Variants in TTC9 observed in about 807,000 individuals in gnomAD.
TTC9 encodes tetratricopeptide repeat protein 9A.
TTC9 carries 13 observed loss-of-function variants against 22.9 expected under a neutral mutation model. The ratio of observed to expected loss-of-function variants is 0.57; its 90% CI spans 0.37 to 0.90. The LOEUF is 0.90. TTC9 is among the 40% of genes least tolerant of loss of function. TTC9 has a pLI of 0.01. For synonymous variants in TTC9, 148 were observed against 133.2 expected (o/e 1.11, Z -0.77); for missense variants, 280 against 291.8 (o/e 0.96, Z 0.29).
rs1472223981 is a variant in TTC9 at position 70,642,176 on chromosome 14, C to A, written c.47C>A (p.Pro16Gln). The A allele has an allele frequency of 2.5e-6, 3 of 1,204,736 alleles. No homozygotes were observed. Among genetic ancestry groups the A allele is most frequent in the African/African-American group, 1.6e-5 (1 of 62,040 alleles). The allele number at this position is 1,204,736 out of a possible 1,614,324, so 74.6% of individuals were successfully genotyped here. Residue 16 changes from proline to glutamine, a missense_variant, in exon 1 of 3, where the codon CCG becomes CAG. Coordinates refer to ENST00000256367, the MANE Select transcript of TTC9 (RefSeq NM_015351.2). ...SAAGAKGNPS[P>Q]PAAGEGQRPP... ...GCCGGGGCCAAGGGGAACCCGAGCC[C>A]GCCCGCGGCCGGAGAGGGGCAGCGG...
intron 2 of TTC9, among the ~76,000 whole-genome samples, chr14:70,670,150 A>G (rs920413390): frequency 6.6e-6 from 1 of 152,248 alleles, no homozygotes; most frequent in Non-Finnish European, 1.5e-5. Flanking sequence ...GAGCAATTTC[A>G]TGAGGCAGGT....
chr14:70,648,186 C>A (rs1313491387), intron 1 of TTC9, among the ~76,000 whole-genome samples: 2 of 152,202 alleles, frequency 1.3e-5, no homozygotes, highest in Non-Finnish European at 2.9e-5. Flanking sequence ...GAGAGCTTGA[C>A]TGGCTAAGCT....
chr14:70,649,856 G>C (rs1885955350), intron 1 of TTC9, among the ~76,000 whole-genome samples: 1 of 152,166 alleles, frequency 6.6e-6, no homozygotes, highest in African/African-American at 2.4e-5. Flanking sequence ...TGGCCATCCT[G>C]GGTGGTTAAG....
At chr14:70,669,280 T>C (rs895185267) in intron 2 of TTC9, among the ~76,000 whole-genome samples, 16 of 152,006 alleles carry the variant, frequency 1.1e-4, no homozygotes, top group South Asian at 4.2e-4. Context: ...TTTATATGGT[T>C]AATAATTTTT....
rs61046584 is a variant in TTC9, at chr14:70,654,587, C to CAAAAAAAAAAAA, written c.406+12076_406+12087dup. Among the ~76,000 whole-genome samples, 229 of 57,120 alleles carry CAAAAAAAAAAAA rather than the reference C, an allele frequency of 4.0e-3. 10 individuals are homozygous for CAAAAAAAAAAAA. The highest frequency in any genetic ancestry group is 8.9e-3 in the Middle Eastern group (1 of 112). The allele number at this position is 57,120 out of a possible 152,430, so 37.5% of individuals were successfully genotyped here. On this transcript the variant is annotated intron_variant, in intron 1 of 2. Coordinates refer to ENST00000256367, the MANE Select transcript of TTC9 (RefSeq NM_015351.2). The stretch of plus-strand genomic sequence containing the variant: ...CCTGGGCAACAGTAAGGCTCTGTCT[C>CAAAAAAAAAAAA]AAAAAAAAAAAAAAAAAAAAAAAAA...
rs1472859602 is a variant in TTC9, at chr14:70,642,486, G to A, written c.357G>A (p.Gln119=). 1.3e-6 allele frequency: 2 copies of A among 1,548,226 alleles called. No individual in the cohort carries two copies. The highest frequency in any genetic ancestry group is 2.5e-5 in the East Asian group (1 of 40,350). The change falls in exon 1 of 3, where the codon CAG becomes CAA. Residue 119 remains glutamine, a synonymous_variant. Transcript: ENST00000256367. The part of the protein sequence containing the change: ...ALKPGRLSEE[Q]SKTVEAIEID... ...AGCCCGGCCGCCTCTCGGAGGAGCA[G>A]AGCAAGACGGTGGAAGCCATCGAGA...
chr14:70,641,993 C>T lies in TTC9; in HGVS notation c.-137C>T. The T allele has an allele frequency of 2.0e-6, 1 of 488,774 alleles. No individual in the cohort carries two copies. Among genetic ancestry groups the T allele is most frequent in the Non-Finnish European group, 2.7e-6 (1 of 372,956 alleles). The allele number at this position is 488,774 out of a possible 1,614,324, so 30.3% of individuals were successfully genotyped here. A position where few individuals can be genotyped will look rare whatever the true frequency, so the allele number is the denominator to read the frequency against. On this transcript the variant is annotated 5_prime_UTR_variant, in exon 1 of 3. Coordinates refer to ENST00000256367, the MANE Select transcript of TTC9 (RefSeq NM_015351.2). Reference sequence around the variant, plus strand: ...AATGGGAGTGCGGGGCGCCAGACCGCCGCGGGGTGTCACGGCCGCCACGAA... The same window carrying T: ...AATGGGAGTGCGGGGCGCCAGACCGTCGCGGGGTGTCACGGCCGCCACGAA...
intron 1 of TTC9, among the ~76,000 whole-genome samples, chr14:70,645,141 C>T (rs1885885263): frequency 6.6e-6 from 1 of 152,046 alleles, no homozygotes; most frequent in Admixed American, 6.6e-5. Flanking sequence ...ATAAAAAAGT[C>T]ACTCTGGGGA....
intron 1 of TTC9, among the ~76,000 whole-genome samples, chr14:70,650,477 G>T (rs1181171553): frequency 6.6e-6 from 1 of 152,086 alleles, no homozygotes; most frequent in Non-Finnish European, 1.5e-5. Flanking sequence ...TTCTTTGAAG[G>T]CTAAAATTTC....
intron 1 of TTC9, among the ~76,000 whole-genome samples, chr14:70,650,119 A>T (rs1885962021): frequency 6.6e-6 from 1 of 152,180 alleles, no homozygotes; most frequent in African/African-American, 2.4e-5. Flanking sequence ...GTAGGAGTTC[A>T]TTTCAGCCAT....
intron 1 of TTC9, among the ~76,000 whole-genome samples, chr14:70,650,505 ATCT>A (rs557363693): frequency 3.9e-5 from 6 of 152,302 alleles, no homozygotes; most frequent in East Asian, 3.9e-4. Flanking sequence ...CTCTTCAGAC[ATCT>A]TCTTAAGAAC....
chr14:70,665,500 C>G lies in TTC9; in HGVS notation c.407-2064C>G, dbSNP rs369052941. On this transcript the variant is annotated intron_variant, in intron 1 of 2. Transcript: ENST00000256367. ...TGTAGCATCAGCTTATCAGAAGGAC[C>G]CCCTGGTGCACCAGAAGATTGTAGT... Among the ~76,000 whole-genome samples the G allele has an allele frequency of 2.6e-4, 39 of 152,240 alleles. 1 individual carries two copies. Among genetic ancestry groups the G allele is most frequent in the African/African-American group, 8.9e-4 (37 of 41,546 alleles).
At chr14:70,665,137 C>T (rs1285094388) in intron 1 of TTC9, among the ~76,000 whole-genome samples, 2 of 151,982 alleles carry the variant, frequency 1.3e-5, no homozygotes, top group African/African-American at 4.8e-5. Flanking sequence ...GGTCCTTTTC[C>T]TAGACTGCCA....
At chr14:70,663,710 T>TG (rs562109455) in intron 1 of TTC9, among the ~76,000 whole-genome samples, 5,196 of 145,538 alleles carry the variant, frequency 0.036, 106 homozygotes, top group South Asian at 0.066. Flanking sequence ...CCCAGGTGGG[T>TG]GGGGGGGCGG....
intron 1 of TTC9, among the ~76,000 whole-genome samples, chr14:70,656,288 T>C (rs1009928020): frequency 1.3e-5 from 2 of 151,918 alleles, no homozygotes; most frequent in African/African-American, 4.8e-5. Context: ...GTACAAACTT[T>C]AGCAACCTTC....
At chr14:70,668,011 T>C (rs149799357) in intron 2 of TTC9, among the ~76,000 whole-genome samples, 1 of 152,296 alleles carries the variant, frequency 6.6e-6, no homozygotes, top group Non-Finnish European at 1.5e-5. Context: ...CCAGCTCTCT[T>C]CACTTATTCA....
At chr14:70,670,605 C>T (rs1401461217) in intron 2 of TTC9, among the ~76,000 whole-genome samples, 1 of 152,072 alleles carries the variant, frequency 6.6e-6, no homozygotes, top group Non-Finnish European at 1.5e-5. Flanking sequence ...ACCAAGATTG[C>T]ACCACTACAC....
At chr14:70,667,523 C>T (rs763721136) in intron 1 of TTC9, 41 bp from the exon 2 acceptor site, 1 of 1,608,788 alleles carries the variant, frequency 6.2e-7, no homozygotes, top group African/African-American at 1.3e-5. Flanking sequence ...CAGAGCTGGC[C>T]ACTGTTGTGC....
rs1367085571 is a variant in TTC9 at position 70,667,662 on chromosome 14, C to G, written c.505C>G (p.Arg169Gly). The G allele has an allele frequency of 6.2e-7, 1 of 1,613,946 alleles. No homozygotes were observed. The highest frequency in any genetic ancestry group is 2.2e-5 in the East Asian group (1 of 44,882). The part of the protein sequence containing the change: ...KEGENFKALY[R>G]SGVAFYHLGD... Reference sequence around the variant, plus strand: ...AGGGGAGAACTTCAAGGCCCTTTACCGGTCTGGTGTGGCCTTCTACCACCT... The same window carrying G: ...AGGGGAGAACTTCAAGGCCCTTTACGGGTCTGGTGTGGCCTTCTACCACCT... The change falls in exon 2 of 3, where the codon CGG (arginine) becomes GGG (glycine). Residue 169 changes from arginine (R) to glycine (G), a missense_variant. By Grantham distance (125) the Arg-to-Gly change is moderately radical. Around this residue, in one of 5 missense-constraint regions of TTC9, gnomAD observed 39 missense variants for 67.4 expected, o/e 0.58. Coordinates refer to ENST00000256367, the MANE Select transcript of TTC9 (RefSeq NM_015351.2).
Sources: gnomAD v4.1 joint callset for allele counts (sites outside exome capture counted in the v4.1 genomes callset) on GRCh38, gnomAD v4.1.1 for gene constraint, gnomAD v4.1.1 regional missense constraint, MANE v1.5 for transcripts, NCBI Gene and HGNC (gene_info 2026-07-23, HGNC 2026-07-21) for gene names.